The following CNTN6 variants were observed in gnomAD, a reference collection of about 807,000 sequenced individuals.
The protein encoded by CNTN6 is contactin 6, also known as contactin-6.
Under a neutral mutation model 122.8 loss-of-function variants are expected in CNTN6, and 137 were observed. That is an observed-to-expected ratio of 1.12 (90% CI 0.97 to 1.29). The LOEUF (loss-of-function observed/expected upper bound fraction) is 1.29, where lower values mean the gene tolerates loss of function less well. CNTN6 is among the 50% of genes most tolerant of loss of function. CNTN6 has a pLI of 0.00. For synonymous variants in CNTN6, 570 were observed against 426.0 expected (o/e 1.34, Z -4.16); for missense variants, 1,634 against 1,223.4 (o/e 1.34, Z -5.01).
At chr3:1,293,568 G>GCTT in intron 5 of CNTN6, among the ~76,000 whole-genome samples, 1 of 152,202 alleles carries the variant, frequency 6.6e-6, no homozygotes, top group Admixed American at 6.5e-5. Flanking sequence ...GCCATGTCTT[G>GCTT]CTTCCGTGCC....
chr3:1,326,424 T>C (rs1310167402), intron 9 of CNTN6, among the ~76,000 whole-genome samples: 1 of 151,898 alleles, frequency 6.6e-6, no homozygotes, highest in Non-Finnish European at 1.5e-5. Flanking sequence ...CAGCAGCTAG[T>C]AAATGTTAGA....
intron 4 of CNTN6, 146 bp from the exon 5 acceptor site, chr3:1,278,267 G>C: frequency 1.8e-6 from 1 of 564,498 alleles, no homozygotes; most frequent in Non-Finnish European, 3.1e-6. Context: ...AATAAGTGCA[G>C]TTAAATTGAT....
intron 20 of CNTN6, among the ~76,000 whole-genome samples, chr3:1,395,991 A>G (rs749444661): frequency 1.3e-5 from 2 of 152,078 alleles, no homozygotes; most frequent in Admixed American, 6.5e-5. Context: ...AACCATCCCA[A>G]TAATTTCTCT....
intron 2 of CNTN6, among the ~76,000 whole-genome samples, chr3:1,152,887 A>T (rs1285464135): frequency 6.6e-6 from 1 of 152,164 alleles, no homozygotes; most frequent in African/African-American, 2.4e-5. Context: ...AATGGCTGCT[A>T]TTATAACTCA....
At chr3:1,251,110 A>G (rs1391713523) in intron 4 of CNTN6, among the ~76,000 whole-genome samples, 1 of 152,136 alleles carries the variant, frequency 6.6e-6, no homozygotes, top group Non-Finnish European at 1.5e-5. Flanking sequence ...TGGCCATTTC[A>G]GCCTTTGGTG....
At chr3:1,110,762 T>C (rs2091444495) in intron 1 of CNTN6, among the ~76,000 whole-genome samples, 3 of 152,150 alleles carry the variant, frequency 2.0e-5, no homozygotes, top group Admixed American at 2.0e-4. Context: ...CGATGTGCAG[T>C]TGAAGTCCTC....
At chr3:1,112,265 A>G (rs2091516272) in intron 1 of CNTN6, among the ~76,000 whole-genome samples, 1 of 152,194 alleles carries the variant, frequency 6.6e-6, no homozygotes. Context: ...GAATCAGTTA[A>G]GTATGTGTAT....
chr3:1,374,285 C>G (rs1559957868), intron 16 of CNTN6, among the ~76,000 whole-genome samples: 2 of 151,972 alleles, frequency 1.3e-5, no homozygotes, highest in Non-Finnish European at 2.9e-5. Flanking sequence ...TACCTTTAAG[C>G]CAACATGTCA....
At chr3:1,144,599 A>G (rs1399279037) in intron 1 of CNTN6, among the ~76,000 whole-genome samples, 1 of 116,224 alleles carries the variant, frequency 8.6e-6, no homozygotes, top group African/African-American at 3.6e-5. Flanking sequence ...AATAATAAAA[A>G]ATAAAAAATA....
At position 1,388,328 on chromosome 3, in the gene CNTN6, C is replaced by T. The variant is rs920811131; in HGVS notation, c.2704+2531C>T. Among the ~76,000 whole-genome samples, 142 of 146,084 alleles carry T rather than the reference C, an allele frequency of 9.7e-4. 4 individuals are homozygous for T. Among genetic ancestry groups the T allele is most frequent in the African/African-American group, 3.4e-3 (134 of 39,952 alleles). On this transcript the variant is annotated intron_variant, in intron 20 of 22. Transcript: ENST00000446702. Reference sequence around the variant, plus strand: ...CTGACACCTCACACGGCAGGGTATGCCAACAGACCTGAAGCTGAGGGTCCT... The same window carrying T: ...CTGACACCTCACACGGCAGGGTATGTCAACAGACCTGAAGCTGAGGGTCCT...
At chr3:1,104,792 A>C (rs2091138082) in intron 1 of CNTN6, among the ~76,000 whole-genome samples, 2 of 152,086 alleles carry the variant, frequency 1.3e-5, no homozygotes, top group South Asian at 4.1e-4. Context: ...AATTGAAATT[A>C]ATGCATATGT....
intron 20 of CNTN6, among the ~76,000 whole-genome samples, chr3:1,396,909 T>C (rs886935524): frequency 1.1e-4 from 16 of 152,222 alleles, no homozygotes; most frequent in African/African-American, 3.9e-4. Context: ...ACTGAAAAAA[T>C]TCTGCATTCA....
chr3:1,197,363 G>A (rs1038918223), intron 2 of CNTN6, among the ~76,000 whole-genome samples: 1 of 152,196 alleles, frequency 6.6e-6, no homozygotes, highest in African/African-American at 2.4e-5. Context: ...AGAGGTGGCA[G>A]CAATTGTAAG....
At chr3:1,273,122 A>G (rs2095053062) in intron 4 of CNTN6, among the ~76,000 whole-genome samples, 1 of 152,182 alleles carries the variant, frequency 6.6e-6, no homozygotes, top group African/African-American at 2.4e-5. Context: ...ACCACAGGAC[A>G]TGATAAGCCA....
At chr3:1,229,903 T>G (rs1369472115) in intron 4 of CNTN6, among the ~76,000 whole-genome samples, 2 of 152,224 alleles carry the variant, frequency 1.3e-5, no homozygotes, top group Non-Finnish European at 2.9e-5. Flanking sequence ...AACTAATCTT[T>G]CTTCTGCAAA....
intron 4 of CNTN6, among the ~76,000 whole-genome samples, chr3:1,261,018 G>T (rs1418020523): frequency 2.0e-5 from 3 of 152,116 alleles, no homozygotes; most frequent in African/African-American, 7.2e-5. Context: ...TTAATGTGAA[G>T]TATCAGAGAA....
intron 11 of CNTN6, among the ~76,000 whole-genome samples, chr3:1,349,877 T>C (rs1705357486): frequency 1.3e-5 from 2 of 151,854 alleles, no homozygotes; most frequent in Non-Finnish European, 2.9e-5. Flanking sequence ...TTCAAATATC[T>C]GTACTGTTTG....
At chr3:1,269,029 A>G (rs2094977416) in intron 4 of CNTN6, among the ~76,000 whole-genome samples, 1 of 152,116 alleles carries the variant, frequency 6.6e-6, no homozygotes, top group Admixed American at 6.5e-5. Flanking sequence ...AAACATCCTA[A>G]TTTTGTTGAT....
At chr3:1,138,790 A>AAAG (rs144316736) in intron 1 of CNTN6, among the ~76,000 whole-genome samples, 10,466 of 152,016 alleles carry the variant, frequency 0.069, 1,165 homozygotes, top group African/African-American at 0.24. Flanking sequence ...AAAACACTGA[A>AAAG]AAAATCTGCT....
Sources: allele counts gnomAD v4.1 joint callset (sites outside exome capture counted in the v4.1 genomes callset), GRCh38; gene constraint gnomAD v4.1.1; transcripts MANE v1.5; gene names NCBI Gene and HGNC (gene_info 2026-07-23, HGNC 2026-07-21).